HSPA12A: variants seen among roughly 807,000 people sequenced by gnomAD.
The protein encoded by HSPA12A is heat shock 70 kDa protein 12A.
HSPA12A carries 28 observed loss-of-function variants against 69.2 expected under a neutral mutation model. That is an observed-to-expected ratio of 0.40 (90% confidence interval 0.30 to 0.55). The LOEUF is 0.55. Among genes scored for constraint, HSPA12A ranks in the 20% least tolerant of loss-of-function variants. The probability of loss-of-function intolerance (pLI) is 0.38; values close to 1 mark genes in which losing one functional copy is unlikely to be tolerated. For missense variants in HSPA12A, 686 were observed against 900.7 expected (o/e 0.76, Z 3.05); for synonymous variants, 345 against 370.5 (o/e 0.93, Z 0.79).
chr10:116,756,354 T>G (rs570474805), intron 2 of HSPA12A, among the ~76,000 whole-genome samples: 1 of 152,364 alleles, frequency 6.6e-6, no homozygotes, highest in African/African-American at 2.4e-5. Flanking sequence ...CTGGTGTGCT[T>G]GTGAGATCAG....
Position 116,723,169 on chromosome 10 carries a change from G to A in HSPA12A, c.41-15884C>T, listed in dbSNP as rs914484281. The stretch of plus-strand genomic sequence containing the variant: ...TATCCCCTTCATATCAGATGCAGCT[G>A]TTTAACCAATCAGATACCTCCATTA... On this transcript the variant is annotated intron_variant, in intron 1 of 11. Coordinates refer to ENST00000369209, the MANE Select transcript of HSPA12A (RefSeq NM_025015.3). This position sits in a 1 kb window ranked among gnomAD's most constrained non-coding sequence, Gnocchi z 4.1. Among the ~76,000 whole-genome samples the A allele has an allele frequency of 1.3e-5, 2 of 152,070 alleles. No individual in the cohort carries two copies. The highest frequency in any genetic ancestry group is 2.1e-4 in the South Asian group (1 of 4,816).
At chr10:116,849,798 G>A, upstream of HSPA12A, 3 of 1,434,634 alleles carry the variant, frequency 2.1e-6, no homozygotes, top group East Asian at 2.6e-5. Flanking sequence ...CTGCGGCAAC[G>A]CCTTGCGCCT....
In HSPA12A at chr10:116,681,801, C is replaced by T; in HGVS notation, c.912G>A (p.Glu304=). 1.2e-6 allele frequency: 2 copies of T among 1,613,976 alleles called. No homozygotes were observed. The highest frequency in any genetic ancestry group is 1.7e-6 in the Non-Finnish European group (2 of 1,179,864). The change falls in exon 8 of 12, where the codon GAG becomes GAA. Residue 304 remains glutamate (E), a synonymous_variant. Transcript: ENST00000369209. ...ATTGAAGGACGCTACCTTCCTCCAG[C>T]TCGGACCAGATTTCTCCTATGACAT... ...VENVIGEIWS[E]LEEGDKYVVV...
At chr10:116,806,477 G>A (rs1455250958) in intron 2 of HSPA12A, among the ~76,000 whole-genome samples, 1 of 152,160 alleles carries the variant, frequency 6.6e-6, no homozygotes, top group Non-Finnish European at 1.5e-5. Context: ...AAAGTGCTGG[G>A]ATTACAGGCA....
intron 2 of HSPA12A, 120 bp from the exon 3 acceptor site, chr10:116,705,398 A>G: frequency 8.4e-7 from 1 of 1,193,252 alleles, no homozygotes; most frequent in South Asian, 1.3e-5. Flanking sequence ...AAGACATTCT[A>G]TATTCCAGCT....
intron 2 of HSPA12A, among the ~76,000 whole-genome samples, chr10:116,779,447 A>T (rs1589701177): frequency 6.6e-6 from 1 of 152,270 alleles, no homozygotes; most frequent in East Asian, 1.9e-4. Context: ...AGAGAACCAC[A>T]TCGCACTCCT....
At chr10:116,726,963 A>T (rs1850985347) in intron 1 of HSPA12A, among the ~76,000 whole-genome samples, 3 of 152,202 alleles carry the variant, frequency 2.0e-5, no homozygotes, top group Non-Finnish European at 4.4e-5. Flanking sequence ...TGGTTCCAAG[A>T]CACTTATGTT....
chr10:116,715,380 C>A (rs1199672173), intron 1 of HSPA12A, among the ~76,000 whole-genome samples: 1 of 152,176 alleles, frequency 6.6e-6, no homozygotes, highest in Non-Finnish European at 1.5e-5. Flanking sequence ...CATTTATGAG[C>A]CAATTAGAAA....
chr10:116,760,573 C>T (rs1397944154), intron 2 of HSPA12A, among the ~76,000 whole-genome samples: 1 of 152,194 alleles, frequency 6.6e-6, no homozygotes, highest in Non-Finnish European at 1.5e-5. Flanking sequence ...CCACTGAACT[C>T]GGGGGTCCTA....
At chr10:116,789,676 G>A (rs1032811468) in intron 2 of HSPA12A, among the ~76,000 whole-genome samples, 2 of 152,156 alleles carry the variant, frequency 1.3e-5, no homozygotes, top group Admixed American at 1.3e-4. Context: ...ATGGAATTGA[G>A]GGTTCGTTTT....
chr10:116,690,265 C>A (rs1638404), intron 6 of HSPA12A, among the ~76,000 whole-genome samples: 8,257 of 152,180 alleles, frequency 0.054, 412 homozygotes, highest in East Asian at 0.27. Context: ...GTATGCAAGG[C>A]TTCAGTGAAC....
chr10:116,776,168 C>A (rs1844333215), intron 2 of HSPA12A, among the ~76,000 whole-genome samples: 1 of 152,214 alleles, frequency 6.6e-6, no homozygotes, highest in South Asian at 2.1e-4. Context: ...CCTGCCTCAG[C>A]ACCTCTGTGG....
chr10:116,699,708 C>T (rs1277846045), intron 4 of HSPA12A, among the ~76,000 whole-genome samples: 3 of 152,190 alleles, frequency 2.0e-5, no homozygotes, highest in Non-Finnish European at 2.9e-5. Flanking sequence ...AGCTCCCAGG[C>T]TCAGAAAGGT....
intron 2 of HSPA12A, among the ~76,000 whole-genome samples, chr10:116,759,031 G>A (rs1554889054): frequency 6.6e-6 from 1 of 152,198 alleles, no homozygotes; most frequent in East Asian, 1.9e-4. Context: ...CTTTTGATGG[G>A]AACTCAGGAC....
In HSPA12A at chr10:116,674,905, G is replaced by A. The variant is rs200334734; in HGVS notation, c.1904C>T (p.Ala635Val). 60 of 1,614,136 alleles carry A rather than the reference G, an allele frequency of 3.7e-5. No homozygotes were observed. The highest frequency in any genetic ancestry group is 5.5e-5 in the South Asian group (5 of 91,086). The change falls in exon 12 of 12, where the codon GCG becomes GTG. Residue 635 changes from alanine (A) to valine (V), a missense_variant. Physicochemically the swap from Ala to Val is moderately conservative, Grantham distance 64 (BLOSUM62 0). Transcript: ENST00000369209. ...CTGGATCTCCCTCCGGGCGGGCACC[G>A]CAGTGCCACTGGTCCCTGTGAGATC... Reference protein sequence around the residue: ...RLDLTGTSGTAVPARREIQTL... With the variant: ...RLDLTGTSGTVVPARREIQTL...
chr10:116,833,912 CA>C (rs1348128636), intron 2 of HSPA12A, among the ~76,000 whole-genome samples: 1 of 152,218 alleles, frequency 6.6e-6, no homozygotes, highest in African/African-American at 2.4e-5. Context: ...AAAAATCTAG[CA>C]TCTGGGGTCT....
At chr10:116,835,090 C>T (rs565511793) in intron 1 of HSPA12A, 6 of 1,002,006 alleles carry the variant, frequency 6.0e-6, no homozygotes, top group African/African-American at 3.3e-5. Context: ...TCTTAAGTCG[C>T]GTACTCGTGC....
chr10:116,821,488 T>C (rs1370998334), intron 2 of HSPA12A, among the ~76,000 whole-genome samples: 1 of 152,218 alleles, frequency 6.6e-6, no homozygotes, highest in Non-Finnish European at 1.5e-5. Flanking sequence ...TAGCCCATCA[T>C]TCTTTATTCC....
At chr10:116,846,610 A>G (rs1845891554) in intron 1 of HSPA12A, among the ~76,000 whole-genome samples, 1 of 152,116 alleles carries the variant, frequency 6.6e-6, no homozygotes, top group Non-Finnish European at 1.5e-5. Flanking sequence ...GGCTTCCCAA[A>G]GTGTTGGGAT....
Sources: gnomAD v4.1 joint callset for allele counts (sites outside exome capture counted in the v4.1 genomes callset) on GRCh38, gnomAD v4.1.1 for gene constraint, Gnocchi (gnomAD v3.1) non-coding constraint, MANE v1.5 for transcripts, NCBI Gene and HGNC (gene_info 2026-07-23, HGNC 2026-07-21) for gene names.